LRMDA: variants seen among roughly 807,000 people sequenced by gnomAD.
The protein encoded by LRMDA is leucine-rich melanocyte differentiation-associated protein.
In LRMDA, 18 loss-of-function variants were observed where a neutral mutation model predicts 29.8. The ratio of observed to expected loss-of-function variants is 0.60; its 90% CI spans 0.42 to 0.90. The LOEUF is 0.90. Ranked by LOEUF, LRMDA falls within the 40% of genes least tolerant of loss-of-function variation. LRMDA has a pLI of 0.00. For synonymous variants in LRMDA, 125 were observed against 109.4 expected (o/e 1.14, Z -0.89); for missense variants, 273 against 273.9 (o/e 1.00, Z 0.02).
At chr10:75,901,635 G>C (rs745737716) in intron 2 of LRMDA, among the ~76,000 whole-genome samples, 5 of 152,110 alleles carry the variant, frequency 3.3e-5, no homozygotes, top group Non-Finnish European at 7.3e-5. Context: ...CTTGCACCAA[G>C]CTTCAAGTCA....
At chr10:76,031,201 G>A (rs912855934) in intron 2 of LRMDA, among the ~76,000 whole-genome samples, 29 of 152,086 alleles carry the variant, frequency 1.9e-4, no homozygotes, top group African/African-American at 7.0e-4. Context: ...GAATGGCCAG[G>A]GTAGCAGGAA....
At chr10:76,139,058 G>A (rs958576912) in intron 5 of LRMDA, among the ~76,000 whole-genome samples, 20 of 152,104 alleles carry the variant, frequency 1.3e-4, no homozygotes, top group Non-Finnish European at 2.4e-4. Context: ...AGATAAACAT[G>A]CTGTATTCCT....
At chr10:76,177,165 C>T (rs185002854) in intron 5 of LRMDA, among the ~76,000 whole-genome samples, 32 of 152,326 alleles carry the variant, frequency 2.1e-4, no homozygotes, top group Admixed American at 1.9e-3. Flanking sequence ...CCCAGCAGCA[C>T]GCTTTTTAAT....
At chr10:75,990,695 G>T (rs1450547031) in intron 2 of LRMDA, among the ~76,000 whole-genome samples, 1 of 152,152 alleles carries the variant, frequency 6.6e-6, no homozygotes, top group Non-Finnish European at 1.5e-5. Flanking sequence ...TAAGTACTTT[G>T]GGTTGGAGGA....
In LRMDA at chr10:75,725,228, T is replaced by C. The variant is rs554657059; in HGVS notation, c.131+286734T>C. On this transcript the variant is annotated intron_variant, in intron 2 of 6. Transcript: ENST00000611255. ...TTTTTCCCAAAGGCCAGTGCCACTT[T>C]TATTGTTGTTCTTTCAAAACAAAAT... is the stretch of plus-strand genomic sequence containing the variant. Among the ~76,000 whole-genome samples the C allele has an allele frequency of 3.9e-5, 6 of 152,354 alleles. No individual in the cohort carries two copies. In the East Asian group the frequency reaches 5.8e-4, roughly 15 times the overall value.
intron 2 of LRMDA, among the ~76,000 whole-genome samples, chr10:75,621,223 CA>C (rs1220251099): frequency 2.4e-4 from 33 of 136,608 alleles, no homozygotes; most frequent in African/African-American, 4.8e-4. Context: ...CACACACACA[CA>C]CCCACACACC....
intron 5 of LRMDA, among the ~76,000 whole-genome samples, chr10:76,261,419 C>T (rs372263795): frequency 1.5e-4 from 23 of 152,054 alleles, no homozygotes; most frequent in Middle Eastern, 3.4e-3. Context: ...ACCCACACCT[C>T]GTACCAGGAA....
At chr10:75,914,456 A>C (rs923853030) in intron 2 of LRMDA, among the ~76,000 whole-genome samples, 2 of 152,240 alleles carry the variant, frequency 1.3e-5, no homozygotes, top group Admixed American at 6.5e-5. Flanking sequence ...TAAGTACATA[A>C]AATTTTCATT....
chr10:75,798,535 C>G (rs78511605), intron 2 of LRMDA, among the ~76,000 whole-genome samples: 2,043 of 151,910 alleles, frequency 0.013, 53 homozygotes, highest in African/African-American at 0.047. Context: ...TGCTATTTTT[C>G]TAGCTTGTTA....
At position 76,187,345 on chromosome 10, in the gene LRMDA, G is replaced by A. The variant is rs564477679; in HGVS notation, c.516+128562G>A. Among the ~76,000 whole-genome samples, 8 of 152,244 alleles carry A rather than the reference G, an allele frequency of 5.3e-5. No homozygotes were observed. In the South Asian group the frequency reaches 1.7e-3, roughly 32 times the overall value. Reference sequence around the variant, plus strand: ...AAGAATCACATTCTTTTTAAAATTAGTATAAAGACACTCTGTAAGCCAGTG... The same window carrying A: ...AAGAATCACATTCTTTTTAAAATTAATATAAAGACACTCTGTAAGCCAGTG... On this transcript the variant is annotated intron_variant, in intron 5 of 6. Transcript: ENST00000611255.
intron 6 of LRMDA, among the ~76,000 whole-genome samples, chr10:76,555,951 G>T (rs141636590): frequency 6.6e-6 from 1 of 152,034 alleles, no homozygotes; most frequent in South Asian, 2.1e-4. Context: ...ACTCAAGTCC[G>T]ATTAGCGCTA....
intron 6 of LRMDA, among the ~76,000 whole-genome samples, chr10:76,414,603 G>C (rs754266204): frequency 6.6e-6 from 1 of 152,208 alleles, no homozygotes; most frequent in Non-Finnish European, 1.5e-5. Context: ...GTGGAACGCT[G>C]TCATGAGAGG....
chr10:76,534,049 C>T (rs144030946), intron 6 of LRMDA, among the ~76,000 whole-genome samples: 1 of 152,220 alleles, frequency 6.6e-6, no homozygotes, highest in Non-Finnish European at 1.5e-5. Flanking sequence ...TGTGATAGAT[C>T]CTGTGCTTTG....
chr10:75,890,050 C>A (rs975375352), intron 2 of LRMDA, among the ~76,000 whole-genome samples: 1 of 152,162 alleles, frequency 6.6e-6, no homozygotes, highest in Non-Finnish European at 1.5e-5. Flanking sequence ...CCCTTATCCT[C>A]TGATGCAACC....
chr10:76,328,177 A>G (rs146068768), intron 6 of LRMDA, among the ~76,000 whole-genome samples: 84 of 152,274 alleles, frequency 5.5e-4, no homozygotes, highest in Admixed American at 1.3e-4. Context: ...GGCAATCTAC[A>G]TATTGTATCC....
intron 5 of LRMDA, among the ~76,000 whole-genome samples, chr10:76,115,356 C>T (rs980887144): frequency 6.6e-6 from 1 of 152,210 alleles, no homozygotes; most frequent in Non-Finnish European, 1.5e-5. Context: ...TTGATCTTTG[C>T]GTCTCTGCAT....
chr10:75,679,913 A>T (rs1842003830), intron 2 of LRMDA, among the ~76,000 whole-genome samples: 1 of 152,224 alleles, frequency 6.6e-6, no homozygotes. Context: ...GAAATAAAAA[A>T]AAAACCCTTA....
At chr10:76,013,146 G>A (rs1847814546) in intron 2 of LRMDA, among the ~76,000 whole-genome samples, 1 of 152,200 alleles carries the variant, frequency 6.6e-6, no homozygotes, top group African/African-American at 2.4e-5. Flanking sequence ...AGATTGCTAG[G>A]CTCGCATTTT....
At chr10:76,053,981 A>G in intron 4 of LRMDA, among the ~76,000 whole-genome samples, 1 of 152,220 alleles carries the variant, frequency 6.6e-6, no homozygotes, top group East Asian at 1.9e-4. Context: ...GGAAGTCTCC[A>G]GGAAATACTG....
Sources: gnomAD v4.1 joint callset for allele counts (sites outside exome capture counted in the v4.1 genomes callset) on GRCh38, gnomAD v4.1.1 for gene constraint, MANE v1.5 for transcripts, NCBI Gene and HGNC (gene_info 2026-07-23, HGNC 2026-07-21) for gene names.